Variants in PJVK observed in about 807,000 individuals in gnomAD.
PJVK encodes pejvakin.
In PJVK, 33 loss-of-function variants were observed where a neutral mutation model predicts 37.6. That is an observed-to-expected ratio of 0.88 (90% confidence interval 0.67 to 1.17). PJVK has a LOEUF of 1.17. PJVK is among the 50% of genes most tolerant of loss of function. The probability of loss-of-function intolerance (pLI) is 0.00; values close to 1 mark genes in which losing one functional copy is unlikely to be tolerated. For synonymous variants in PJVK, 141 were observed against 143.5 expected, an observed-to-expected ratio of 0.98 and a Z score of 0.13; for missense variants, 410 against 413.8, an observed-to-expected ratio of 0.99 and a Z score of 0.08.
At chr2:178,456,979 T>A (rs1206543506) in intron 4 of PJVK, among the ~76,000 whole-genome samples, 1 of 152,244 alleles carries the variant, frequency 6.6e-6, no homozygotes, top group Non-Finnish European at 1.5e-5. Flanking sequence ...TTTATAGATT[T>A]TTTTTTTGAG....
chr2:178,458,573 A>G lies in PJVK; in HGVS notation c.613A>G (p.Thr205Ala), dbSNP rs773164637. The change falls in exon 5 of 7, where the codon ACA (threonine) becomes GCA (alanine). Residue 205 changes from threonine (T) to alanine (A), a missense_variant. By Grantham distance (58) the Thr-to-Ala change is moderately conservative. Transcript: ENST00000644580. ...CAAAGCTATTGTTTTCCCAGCACAT[A>G]CAACCATAGCTTTCAGTGTTTTTGA... ...RDKAIVFPAH[T>A]TIAFSVFELF... 4 of 1,614,022 alleles carry G rather than the reference A, an allele frequency of 2.5e-6. No homozygotes were observed. The highest frequency in any genetic ancestry group is 3.4e-6 in the Non-Finnish European group (4 of 1,180,004).
chr2:178,454,085 G>A (rs138287395), intron 2 of PJVK: 4 of 388,048 alleles, frequency 1.0e-5, no homozygotes, highest in African/African-American at 2.1e-5. Flanking sequence ...TTAATTGCCC[G>A]GTGGATCTTG....
chr2:178,455,204 G>C, intron 3 of PJVK: 1 of 1,579,404 alleles, frequency 6.3e-7, no homozygotes, highest in Middle Eastern at 1.9e-4. Flanking sequence ...GAGCCGCTTG[G>C]TGTCCAGTGA....
At position 178,454,334 on chromosome 2, in the gene PJVK, A is replaced by G; in HGVS notation, c.214A>G (p.Ile72Val). ...ATACTGAGTTTCTTCTTATAAAGGT[A>G]TTTCATCTTATCAATTACTGAATTA... ...LLGDREISAG[I>V]SSYQLLNYED... is the part of the protein sequence containing the mutation. The change falls in exon 3 of 7, where the codon ATT (isoleucine) becomes GTT (valine). Residue 72 changes from isoleucine to valine, a missense_variant and splice_region_variant. By Grantham distance (29) the Ile-to-Val change is conservative. Coordinates refer to ENST00000644580, the MANE Select transcript of PJVK (RefSeq NM_001042702.5). 2 of 1,611,140 alleles carry G rather than the reference A, an allele frequency of 1.2e-6. No homozygotes were observed. The highest frequency in any genetic ancestry group is 2.2e-5 in the East Asian group (1 of 44,780).
At chr2:178,451,794 T>G (rs1363995566) in intron 1 of PJVK, 25 bp downstream of exon 1, 2 of 985,336 alleles carry the variant, frequency 2.0e-6, no homozygotes, top group East Asian at 1.1e-4. Context: ...GCAAAACACG[T>G]TAGGAGTAAA....
At chr2:178,460,848 CAAAAAAAA>C (rs748779811) in intron 6 of PJVK, 126 bp from the exon 7 acceptor site, 19 of 310,268 alleles carry the variant, frequency 6.1e-5, no homozygotes, top group Middle Eastern at 1.1e-3. Context: ...GACCCTGTCT[CAAAAAAAA>C]AAAAAAAAAA....
chr2:178,459,507 C>G (rs1316199289), intron 5 of PJVK, among the ~76,000 whole-genome samples: 1 of 151,984 alleles, frequency 6.6e-6, no homozygotes, highest in East Asian at 1.9e-4. Context: ...AATGGGGTAT[C>G]CATCCCCTCA....
chr2:178,460,349 C>T lies in PJVK; in HGVS notation c.669C>T (p.Asp223=), dbSNP rs774085388. The T allele has an allele frequency of 1.7e-5, 27 of 1,613,382 alleles. No individual in the cohort carries two copies. Among genetic ancestry groups the T allele is most frequent in the Non-Finnish European group, 1.7e-5 (20 of 1,179,526 alleles). Residue 223 remains aspartate (D), a splice_region_variant and synonymous_variant, in exon 6 of 7, where the codon GAC becomes GAT. Coordinates refer to ENST00000644580, the MANE Select transcript of PJVK (RefSeq NM_001042702.5). ...ELFIYLDGAF[D]LCVTSVSKGG... ...ATCTTCTAACAATTTTTTTTGTAGA[C>T]CTTTGTGTCACTTCAGTGTCAAAAG...
chr2:178,460,103 G>A (rs1684387133), intron 5 of PJVK: 7 of 450,582 alleles, frequency 1.6e-5, no homozygotes, highest in South Asian at 2.8e-5. Context: ...TAAACCACGG[G>A]TGCCCCTAAG....
At chr2:178,460,132 G>A (rs188656507) in intron 5 of PJVK, among the ~76,000 whole-genome samples, 186 of 152,332 alleles carry the variant, frequency 1.2e-3, no homozygotes, top group African/African-American at 4.3e-3. Flanking sequence ...GTAGAAGACT[G>A]TGGCTGGATA....
Position 178,454,951 on chromosome 2 carries a change from G to A in PJVK, c.407+424G>A, listed in dbSNP as rs115936331. Reference sequence around the variant, plus strand: ...AACAGGGCAGACCTGCCTGATTACCGCTGGACCAAGACCCTGTCGGAGCTG... The same window carrying A: ...AACAGGGCAGACCTGCCTGATTACCACTGGACCAAGACCCTGTCGGAGCTG... On this transcript the variant is annotated intron_variant, in intron 3 of 6. Transcript: ENST00000644580. The A allele has an allele frequency of 1.8e-3, 1,654 of 910,974 alleles. 20 individuals are homozygous for A. The African/African-American group carries it at 0.024, about 13-fold the overall frequency. The allele number at this position is 910,974 out of a possible 1,614,324, so 56.4% of individuals were successfully genotyped here.
Position 178,455,275 on chromosome 2 carries a change from T to C in PJVK, c.408-735T>C. On this transcript the variant is annotated intron_variant, in intron 3 of 6. Coordinates refer to ENST00000644580, the MANE Select transcript of PJVK (RefSeq NM_001042702.5). ...ATTCCAAGCTGTCAGACCTGGACAG[T>C]GAGACTCACATCATGGTGGAAAAGA... is the stretch of plus-strand genomic sequence containing the variant. 5 of 1,434,434 alleles carry C rather than the reference T, an allele frequency of 3.5e-6. No individual in the cohort carries two copies. The South Asian group carries it at 5.7e-5, about 16-fold the overall frequency. 88.9% of individuals were successfully genotyped at this position (1,434,434 alleles called of 1,614,324 possible).
At chr2:178,456,419 G>C (rs1283297820) in intron 4 of PJVK, among the ~76,000 whole-genome samples, 1 of 152,004 alleles carries the variant, frequency 6.6e-6, no homozygotes, top group Non-Finnish European at 1.5e-5. Context: ...TACTATTTAA[G>C]TGTTGTTTTA....
chr2:178,452,605 A>T (rs1697757155), intron 1 of PJVK: 1 of 985,296 alleles, frequency 1.0e-6, no homozygotes, highest in Non-Finnish European at 1.2e-6. Flanking sequence ...TTACTTAAAA[A>T]CAGGCCAGAA....
chr2:178,461,148 C>G lies in PJVK; in HGVS notation c.933C>G (p.Leu311=). ...NHNIPKGPCI[L]CGMGNFKRET... is the part of the protein sequence containing the mutation. The stretch of plus-strand genomic sequence containing the variant: ...ACATTCCCAAAGGGCCTTGCATACT[C>G]TGTGGAATGGGGAACTTCAAAAGGG... The change falls in exon 7 of 7, where the codon CTC becomes CTG. Residue 311 remains leucine, a synonymous_variant. Coordinates refer to ENST00000644580, the MANE Select transcript of PJVK (RefSeq NM_001042702.5). 1.2e-6 allele frequency: 2 copies of G among 1,614,162 alleles called. No homozygotes were observed.
At chr2:178,455,076 C>CA (rs1164900299) in intron 3 of PJVK, 1 of 1,515,336 alleles carries the variant, frequency 6.6e-7, no homozygotes, top group Non-Finnish European at 9.2e-7. Context: ...AAGGGGCAGC[C>CA]AGCGATCATC....
chr2:178,452,151 G>A (rs1332649915), intron 1 of PJVK: 1 of 356,784 alleles, frequency 2.8e-6, no homozygotes, highest in African/African-American at 2.2e-5. Flanking sequence ...AAATTAGCCG[G>A]GCGTGGTGGC....
At chr2:178,452,209 C>T (rs1418150915) in intron 1 of PJVK, 1 of 800,706 alleles carries the variant, frequency 1.2e-6, no homozygotes, top group Non-Finnish European at 1.5e-6. Flanking sequence ...AGGAGAATCG[C>T]TTGAACCCGG....
intron 3 of PJVK, chr2:178,455,030 G>A: frequency 8.7e-7 from 1 of 1,145,708 alleles, no homozygotes; most frequent in East Asian, 2.3e-5. Context: ...AGGACGTGGT[G>A]GTGGCATCCA....
Sources: allele counts gnomAD v4.1 joint callset (sites outside exome capture counted in the v4.1 genomes callset), GRCh38; gene constraint gnomAD v4.1.1; transcripts MANE v1.5; gene names NCBI Gene and HGNC (gene_info 2026-07-23, HGNC 2026-07-21).